The following ATP10B variants were observed in gnomAD, a reference collection of about 807,000 sequenced individuals.
ATP10B encodes the protein phospholipid-transporting ATPase VB.
Under a neutral mutation model 141.2 loss-of-function variants are expected in ATP10B, and 122 were observed. The observed-to-expected ratio is 0.86, with a 90% CI of 0.75 to 1.00. The LOEUF is 1.00. Ranked by LOEUF, ATP10B falls within the 50% of genes least tolerant of loss-of-function variation. The probability of loss-of-function intolerance (pLI) is 0.00; values close to 1 mark genes in which losing one functional copy is unlikely to be tolerated. For missense variants in ATP10B, 1,876 were observed against 1,825.3 expected (o/e 1.03, Z -0.51); for synonymous variants, 685 against 692.0 (o/e 0.99, Z 0.16).
chr5:160,749,317 G>C (rs1175533039), intron 2 of ATP10B, among the ~76,000 whole-genome samples: 2 of 152,168 alleles, frequency 1.3e-5, no homozygotes, highest in Admixed American at 6.5e-5. Context: ...CCCTCCTACA[G>C]ATGGTTCAAG....
chr5:160,784,254 C>T (rs1275694844), intron 2 of ATP10B, among the ~76,000 whole-genome samples: 1 of 152,088 alleles, frequency 6.6e-6, no homozygotes, highest in South Asian at 2.1e-4. Context: ...CTTTTGGCTG[C>T]ACAAAGCAAT....
In ATP10B at chr5:160,612,956, T is replaced by C. The variant is rs539210637; in HGVS notation, c.2654-31A>G. The C allele has an allele frequency of 6.9e-6, 11 of 1,589,246 alleles. No individual in the cohort carries two copies. In the South Asian group the frequency reaches 1.3e-4, roughly 18 times the overall value. On this transcript the variant is annotated intron_variant, in intron 17 of 25. Coordinates refer to ENST00000327245, the MANE Select transcript of ATP10B (RefSeq NM_025153.3). ...GTGATGAAAAACAACAGAGTTCACA[T>C]TTATCGTAAAAGAGTAGTTGCTTAA... is the stretch of plus-strand genomic sequence containing the variant.
intron 3 of ATP10B, among the ~76,000 whole-genome samples, chr5:160,701,061 C>A (rs888324681): frequency 2.6e-5 from 4 of 152,182 alleles, no homozygotes; most frequent in African/African-American, 9.6e-5. Context: ...CCCATCCAGG[C>A]CACTCTCATC....
chr5:160,689,490 C>T (rs141855337), intron 3 of ATP10B, among the ~76,000 whole-genome samples: 92 of 152,234 alleles, frequency 6.0e-4, no homozygotes, highest in African/African-American at 1.9e-3. Context: ...TATTCTCAGC[C>T]CCAAATCTCC....
chr5:160,877,497 C>A, the ATP10B span, among the ~76,000 whole-genome samples: 1 of 149,478 alleles, frequency 6.7e-6, no homozygotes, highest in South Asian at 2.2e-4. Context: ...CCCTCTCTCA[C>A]AACTCCTATT....
the ATP10B span, among the ~76,000 whole-genome samples, chr5:160,916,780 C>CT: frequency 6.6e-6 from 1 of 152,198 alleles, no homozygotes; most frequent in Non-Finnish European, 1.5e-5. Flanking sequence ...GGAGGACCAT[C>CT]TTCCCCTGAT....
the ATP10B span, among the ~76,000 whole-genome samples, chr5:160,879,501 C>T: frequency 1.5e-5 from 2 of 136,148 alleles, no homozygotes; most frequent in Non-Finnish European, 3.1e-5. Context: ...CTAACCTGCA[C>T]AATGTGCACA....
chr5:160,693,469 G>A (rs1764195983), intron 3 of ATP10B, among the ~76,000 whole-genome samples: 1 of 148,630 alleles, frequency 6.7e-6, no homozygotes, highest in Non-Finnish European at 1.5e-5. Flanking sequence ...GGTATAGTCA[G>A]GGAAGGGCTC....
rs1307967621 is a variant in ATP10B at position 160,634,552 on chromosome 5, C to A, written c.1183G>T (p.Val395Leu). The change falls in exon 12 of 26, where the codon GTG (valine) becomes TTG (leucine). Residue 395 changes from valine to leucine, a missense_variant. By Grantham distance (32) the Val-to-Leu change is conservative. Transcript: ENST00000327245. ...VSIELVKLGQ[V>L]FFLSNDLDLY... ...TCAAGGTCATTGCTCAAGAAGAACACTTGCCCGAGCTTCACCAGCTCAATG... is the reference window on the plus strand; with the variant it reads ...TCAAGGTCATTGCTCAAGAAGAACAATTGCCCGAGCTTCACCAGCTCAATG... 1.2e-6 allele frequency: 2 copies of A among 1,614,102 alleles called. No homozygotes were observed. The highest frequency in any genetic ancestry group is 1.7e-5 in the Admixed American group (1 of 60,016).
At chr5:160,624,680 C>A (rs997466162) in intron 13 of ATP10B, among the ~76,000 whole-genome samples, 4 of 152,182 alleles carry the variant, frequency 2.6e-5, no homozygotes. Context: ...CCTTCCCAAG[C>A]AATGTCATTT....
chr5:160,799,219 T>A (rs1225236277), intron 1 of ATP10B, among the ~76,000 whole-genome samples: 1 of 152,168 alleles, frequency 6.6e-6, no homozygotes, highest in African/African-American at 2.4e-5. Flanking sequence ...AAGGCTACAA[T>A]GTCTGTGCCA....
At chr5:160,870,479 ATC>A in the ATP10B span, among the ~76,000 whole-genome samples, 1 of 152,084 alleles carries the variant, frequency 6.6e-6, no homozygotes, top group Non-Finnish European at 1.5e-5. Context: ...GATGAAAAGA[ATC>A]TCTGAGCTTG....
chr5:160,581,625 G>C (rs1172495285), intron 24 of ATP10B, among the ~76,000 whole-genome samples: 1 of 152,196 alleles, frequency 6.6e-6, no homozygotes, highest in Non-Finnish European at 1.5e-5. Flanking sequence ...TGTATATTCT[G>C]TTGATTTGGG....
At chr5:160,877,947 G>T in the ATP10B span, among the ~76,000 whole-genome samples, 1 of 151,318 alleles carries the variant, frequency 6.6e-6, no homozygotes, top group South Asian at 2.1e-4. Flanking sequence ...CGTGAAAATG[G>T]CCATACTGCC....
intron 6 of ATP10B, among the ~76,000 whole-genome samples, chr5:160,679,514 C>G (rs1222857022): frequency 3.3e-5 from 5 of 152,200 alleles, no homozygotes; most frequent in African/African-American, 1.2e-4. Context: ...ACTTCTTTTA[C>G]TGAAAGCTTC....
intron 1 of ATP10B, among the ~76,000 whole-genome samples, chr5:160,843,557 T>C (rs1231904450): frequency 1.3e-5 from 2 of 151,356 alleles, no homozygotes; most frequent in Non-Finnish European, 2.9e-5. Flanking sequence ...GCACTTAAGC[T>C]TACCATGCAA....
chr5:160,627,537 T>A (rs1561666832), intron 13 of ATP10B, among the ~76,000 whole-genome samples: 1 of 152,166 alleles, frequency 6.6e-6, no homozygotes, highest in Non-Finnish European at 1.5e-5. Context: ...TCTCAACTGG[T>A]ACAACGTCTT....
chr5:160,772,677 A>T (rs948256808), intron 2 of ATP10B, among the ~76,000 whole-genome samples: 1 of 152,186 alleles, frequency 6.6e-6, no homozygotes. Flanking sequence ...CAGTGATCTG[A>T]CAGGGGGTGG....
intron 2 of ATP10B, among the ~76,000 whole-genome samples, chr5:160,769,107 C>T (rs1188216804): frequency 6.6e-6 from 1 of 152,132 alleles, no homozygotes; most frequent in Non-Finnish European, 1.5e-5. Context: ...GACAGAGTTT[C>T]CATAGATGAG....
Sources: gnomAD v4.1 joint callset for allele counts (sites outside exome capture counted in the v4.1 genomes callset) on GRCh38, gnomAD v4.1.1 for gene constraint, MANE v1.5 for transcripts, NCBI Gene and HGNC (gene_info 2026-07-23, HGNC 2026-07-21) for gene names.